Variants in KANSL1L observed in about 807,000 individuals in gnomAD.
The protein encoded by KANSL1L is KAT8 regulatory NSL complex subunit 1 like, also known as KAT8 regulatory NSL complex subunit 1-like protein.
A neutral mutation model predicts 108.6 loss-of-function variants in KANSL1L; 25 were observed. That is an observed-to-expected ratio of 0.23 (90% confidence interval 0.17 to 0.32). The LOEUF is 0.32. Ranked by LOEUF, KANSL1L falls within the 10% of genes least tolerant of loss-of-function variation. The pLI, the probability that KANSL1L is intolerant of heterozygous loss-of-function variation, is 1.00. For synonymous variants in KANSL1L, 405 were observed against 395.1 expected (o/e 1.03, Z -0.30); for missense variants, 1,137 against 1,125.7 (o/e 1.01, Z -0.14).
intron 8 of KANSL1L, among the ~76,000 whole-genome samples, chr2:210,033,977 C>T (rs991768222): frequency 1.2e-4 from 18 of 152,132 alleles, no homozygotes; most frequent in Non-Finnish European, 1.8e-4. Context: ...ATCCTCTTCA[C>T]CTGTTCTATT....
At chr2:210,027,658 G>A (rs2093956145) in intron 11 of KANSL1L, among the ~76,000 whole-genome samples, 2 of 151,274 alleles carry the variant, frequency 1.3e-5, no homozygotes, top group East Asian at 1.9e-4. Context: ...AAAAGTAACA[G>A]AGAAGGAAAA....
At chr2:210,072,042 T>G (rs556230853) in intron 6 of KANSL1L, among the ~76,000 whole-genome samples, 1 of 152,210 alleles carries the variant, frequency 6.6e-6, no homozygotes, top group Non-Finnish European at 1.5e-5. Context: ...TCAACATTAA[T>G]AAAATATTTT....
chr2:210,135,912 A>C (rs1481575782), intron 2 of KANSL1L, among the ~76,000 whole-genome samples: 1 of 152,186 alleles, frequency 6.6e-6, no homozygotes, highest in Non-Finnish European at 1.5e-5. Flanking sequence ...TTAATAACTT[A>C]CATACTCTAT....
chr2:210,032,662 C>G (rs1408350276), intron 8 of KANSL1L: 4 of 152,188 alleles, frequency 2.6e-5, no homozygotes, highest in Non-Finnish European at 2.9e-5. Flanking sequence ...AATGTCCCGC[C>G]CATCCCCAAA....
At chr2:210,080,011 G>A (rs1363221605) in intron 5 of KANSL1L, 1 of 151,380 alleles carries the variant, frequency 6.6e-6, no homozygotes, top group East Asian at 2.0e-4. Flanking sequence ...TTGTACCAGG[G>A]TTACTCAATA....
At chr2:210,055,164 C>CT (rs2094336988) in intron 6 of KANSL1L, among the ~76,000 whole-genome samples, 1 of 152,180 alleles carries the variant, frequency 6.6e-6, no homozygotes, top group African/African-American at 2.4e-5. Flanking sequence ...TTATAAGGGG[C>CT]TTTTTCCCCT....
chr2:210,095,606 G>A (rs1422459999), intron 5 of KANSL1L, among the ~76,000 whole-genome samples: 2 of 151,984 alleles, frequency 1.3e-5, no homozygotes, highest in Non-Finnish European at 2.9e-5. Context: ...CACAAATTGT[G>A]GAATCTTTAC....
intron 3 of KANSL1L, among the ~76,000 whole-genome samples, chr2:210,122,223 T>C (rs1486386697): frequency 6.6e-6 from 1 of 152,012 alleles, no homozygotes; most frequent in Non-Finnish European, 1.5e-5. Flanking sequence ...CCAGAATAGC[T>C]AAAGCTGTCC....
At chr2:210,139,209 G>A (rs955824222) in intron 2 of KANSL1L, among the ~76,000 whole-genome samples, 3 of 152,118 alleles carry the variant, frequency 2.0e-5, no homozygotes, top group Non-Finnish European at 4.4e-5. Context: ...GACTCAACAC[G>A]GTATGTTATT....
chr2:210,116,749 T>C (rs1158617360), intron 3 of KANSL1L, among the ~76,000 whole-genome samples: 1 of 152,132 alleles, frequency 6.6e-6, no homozygotes, highest in African/African-American at 2.4e-5. Context: ...TTTCAATATC[T>C]AGAAAGCATT....
chr2:210,061,823 A>T (rs1559525240), intron 6 of KANSL1L, among the ~76,000 whole-genome samples: 1 of 152,230 alleles, frequency 6.6e-6, no homozygotes, highest in Non-Finnish European at 1.5e-5. Flanking sequence ...GGCTAGTCAT[A>T]GAAAGAAACA....
At chr2:210,100,075 C>T (rs971804503) in intron 4 of KANSL1L, among the ~76,000 whole-genome samples, 10 of 152,160 alleles carry the variant, frequency 6.6e-5, no homozygotes, top group African/African-American at 9.7e-5. Context: ...AACCAGGCTG[C>T]ACAGCAGGAG....
chr2:210,045,107 G>T (rs1049362610), intron 6 of KANSL1L, among the ~76,000 whole-genome samples: 7 of 152,076 alleles, frequency 4.6e-5, no homozygotes, highest in Admixed American at 4.6e-4. Context: ...CCAAGCTAAG[G>T]TTATTCTTGA....
chr2:210,119,209 A>G (rs1482063735), intron 3 of KANSL1L, among the ~76,000 whole-genome samples: 1 of 151,986 alleles, frequency 6.6e-6, no homozygotes, highest in African/African-American at 2.4e-5. Flanking sequence ...AAGAAAAAAA[A>G]AGAAAAGCCC....
chr2:210,073,292 C>T (rs192913649), intron 6 of KANSL1L, among the ~76,000 whole-genome samples: 32 of 152,218 alleles, frequency 2.1e-4, no homozygotes, highest in Middle Eastern at 6.8e-3. Context: ...AATATGAGTT[C>T]CAGACATACT....
intron 11 of KANSL1L, 182 bp downstream of exon 11, chr2:210,028,659 GAAAT>G (rs1455946503): frequency 7.9e-5 from 37 of 466,988 alleles, no homozygotes; most frequent in East Asian, 1.1e-4. Flanking sequence ...TAAAAACTGA[GAAAT>G]AAAGTTGTGA....
At chr2:210,171,714 C>T (rs1241698093), upstream of KANSL1L, 5 of 151,984 alleles carry the variant, frequency 3.3e-5, no homozygotes, top group South Asian at 2.1e-4. Flanking sequence ...TATTTTTGTA[C>T]CTCCGTGACA....
intron 3 of KANSL1L, among the ~76,000 whole-genome samples, chr2:210,119,647 A>G (rs993507658): frequency 2.6e-5 from 4 of 152,216 alleles, no homozygotes; most frequent in Non-Finnish European, 4.4e-5. Flanking sequence ...ATCCTTCATG[A>G]TAAAAACCTT....
chr2:210,086,588 C>A (rs1485683106), intron 5 of KANSL1L, among the ~76,000 whole-genome samples: 1 of 151,724 alleles, frequency 6.6e-6, no homozygotes, highest in Admixed American at 6.6e-5. Context: ...TGCAAACATG[C>A]CCTGGGAAAT....
Sources: allele counts gnomAD v4.1 joint callset (sites outside exome capture counted in the v4.1 genomes callset), GRCh38; gene constraint gnomAD v4.1.1; transcripts MANE v1.5; gene names NCBI Gene and HGNC (gene_info 2026-07-23, HGNC 2026-07-21).